Variants in SH2D4B observed in about 807,000 individuals in gnomAD.
The protein encoded by SH2D4B is SH2 domain-containing protein 4B.
A neutral mutation model predicts 61.5 loss-of-function variants in SH2D4B; 45 were observed. That is an observed-to-expected ratio of 0.73 (90% CI 0.58 to 0.94). The LOEUF (loss-of-function observed/expected upper bound fraction) is 0.94, where lower values mean the gene tolerates loss of function less well. Ranked by LOEUF, SH2D4B falls within the 40% of genes least tolerant of loss-of-function variation. SH2D4B has a pLI of 0.00. For missense variants in SH2D4B, 572 were observed against 574.2 expected, an observed-to-expected ratio of 1.00 and a Z score of 0.04; for synonymous variants, 224 against 220.4, an observed-to-expected ratio of 1.02 and a Z score of -0.14.
intron 6 of SH2D4B, among the ~76,000 whole-genome samples, chr10:80,633,253 A>T (rs1013170656): frequency 1.3e-5 from 2 of 152,162 alleles, no homozygotes; most frequent in Non-Finnish European, 2.9e-5. Context: ...GGGTAAGTCC[A>T]TGGGTGAGCA....
chr10:80,611,195 A>C (rs990468287), intron 6 of SH2D4B, among the ~76,000 whole-genome samples: 7 of 150,226 alleles, frequency 4.7e-5, no homozygotes, highest in South Asian at 4.2e-4. Flanking sequence ...AAAAAAAAAA[A>C]AAAAAAAACA....
At chr10:80,640,594 T>A in intron 7 of SH2D4B, among the ~76,000 whole-genome samples, 1 of 152,250 alleles carries the variant, frequency 6.6e-6, no homozygotes, top group East Asian at 1.9e-4. Flanking sequence ...TATTGAAGCT[T>A]GTGCATGCAT....
At chr10:80,568,293 G>A (rs1841996460) in intron 1 of SH2D4B, among the ~76,000 whole-genome samples, 1 of 152,170 alleles carries the variant, frequency 6.6e-6, no homozygotes, top group South Asian at 2.1e-4. Context: ...GAGGCTGAGG[G>A]AGTCATTGTA....
intron 6 of SH2D4B, among the ~76,000 whole-genome samples, chr10:80,631,757 A>AACTT (rs71310970): frequency 0.17 from 25,866 of 152,120 alleles, 2,682 homozygotes; most frequent in Admixed American, 0.28. Flanking sequence ...AAAAACATTG[A>AACTT]ACTTACAGAA....
rs565519474 is a variant in SH2D4B at position 80,565,826 on chromosome 10, C to T, written c.185-4328C>T. 1.6e-4 allele frequency among the ~76,000 whole-genome samples: 24 copies of T among 152,072 alleles called. No homozygotes were observed. The South Asian group carries it at 2.9e-3, about 18-fold the overall frequency. The stretch of plus-strand genomic sequence containing the variant: ...TGAAGAGTGGCCGGGCGTGGTGGCT[C>T]ACGCCTGTAATCCCAGCACTTTGGG... On this transcript the variant is annotated intron_variant, in intron 1 of 7. Coordinates refer to ENST00000646907, the MANE Select transcript of SH2D4B (RefSeq NM_001388272.1).
At chr10:80,643,820 GA>G (rs1232288474) in intron 7 of SH2D4B, among the ~76,000 whole-genome samples, 172 bp from the exon 8 acceptor site, 1 of 151,418 alleles carries the variant, frequency 6.6e-6, no homozygotes, top group African/African-American at 2.4e-5. Flanking sequence ...TACTTTTTAT[GA>G]ATTTATTTCT....
chr10:80,621,543 T>G (rs1232437420), intron 6 of SH2D4B, among the ~76,000 whole-genome samples: 2 of 152,252 alleles, frequency 1.3e-5, no homozygotes, highest in African/African-American at 4.8e-5. Context: ...TATTCAGTCA[T>G]TTTAAGCTCA....
intron 1 of SH2D4B, among the ~76,000 whole-genome samples, chr10:80,551,344 G>A (rs573053998): frequency 8.6e-4 from 131 of 152,216 alleles, no homozygotes; most frequent in African/African-American, 3.1e-3. Flanking sequence ...GTGAGCCACC[G>A]CGCCTGGCCA....
intron 4 of SH2D4B, among the ~76,000 whole-genome samples, chr10:80,594,645 G>A (rs995966160): frequency 6.6e-6 from 1 of 152,044 alleles, no homozygotes; most frequent in African/African-American, 2.4e-5. Flanking sequence ...TTTTGATTAC[G>A]AATTTAGTCT....
chr10:80,547,726 C>T (rs911012325), intron 1 of SH2D4B, among the ~76,000 whole-genome samples: 2 of 152,076 alleles, frequency 1.3e-5, no homozygotes, highest in African/African-American at 2.4e-5. Context: ...TACTTGATCA[C>T]GTGTGTATAA....
rs536920799 is a variant in SH2D4B at position 80,644,780 on chromosome 10, A to G, written c.*695A>G. 6.6e-6 allele frequency: 1 copy of G among 152,180 alleles called. No individual in the cohort carries two copies. The highest frequency in any genetic ancestry group is 1.5e-5 in the Non-Finnish European group (1 of 68,056). 9.4% of individuals were successfully genotyped at this position (152,180 alleles called of 1,614,324 possible). A position where few individuals can be genotyped will look rare whatever the true frequency, so the allele number is the denominator to read the frequency against. Reference sequence around the variant, plus strand: ...TTGGCCTTGGTTTTGCAATGGTTTTATGTCATCCTACAGATGTCTTCAAGA... The same window carrying G: ...TTGGCCTTGGTTTTGCAATGGTTTTGTGTCATCCTACAGATGTCTTCAAGA... On this transcript the variant is annotated 3_prime_UTR_variant, in exon 8 of 8. Transcript: ENST00000646907.
At chr10:80,628,592 A>G (rs1057074454) in intron 6 of SH2D4B, among the ~76,000 whole-genome samples, 5 of 152,206 alleles carry the variant, frequency 3.3e-5, no homozygotes, top group South Asian at 4.1e-4. Context: ...CAAGCATCCT[A>G]TGCTAATTCT....
rs12257769 is a variant in SH2D4B at position 80,544,305 on chromosome 10, G to A, written c.184+5790G>A. ...TTCACTCCTGAGCCAGCGAGACCAC[G>A]AACCCACCAGAAGGAAGAAACTCCG... On this transcript the variant is annotated intron_variant, in intron 1 of 7. Transcript: ENST00000646907. Among the ~76,000 whole-genome samples the A allele has an allele frequency of 7.0e-3, 1,069 of 152,216 alleles. 15 individuals are homozygous for A. The highest frequency in any genetic ancestry group is 0.025 in the African/African-American group (1,018 of 41,530).
chr10:80,620,091 A>G (rs149142344), intron 6 of SH2D4B, among the ~76,000 whole-genome samples: 1 of 152,200 alleles, frequency 6.6e-6, no homozygotes, highest in Admixed American at 6.5e-5. Flanking sequence ...CACCTTGCCC[A>G]CACGTTCTCC....
At chr10:80,591,812 T>C (rs1213084847) in intron 4 of SH2D4B, among the ~76,000 whole-genome samples, 1 of 152,188 alleles carries the variant, frequency 6.6e-6, no homozygotes, top group African/African-American at 2.4e-5. Context: ...AACTGGCTTT[T>C]ATACAGGCCT....
At chr10:80,604,803 T>TTC (rs5786467) in intron 5 of SH2D4B, among the ~76,000 whole-genome samples, 3,496 of 151,688 alleles carry the variant, frequency 0.023, 49 homozygotes, top group Middle Eastern at 0.071. Context: ...TTTTTTTTTT[T>TTC]CTTTTTTTGA....
chr10:80,613,559 A>G lies in SH2D4B; in HGVS notation c.988+4008A>G, dbSNP rs538629977. On this transcript the variant is annotated intron_variant, in intron 6 of 7. Coordinates refer to ENST00000646907, the MANE Select transcript of SH2D4B (RefSeq NM_001388272.1). ...TCATTGGCATTGGTAAATTATCTCC[A>G]TGTGACCCTGCTCAGGTGCTGGGAG... is the stretch of plus-strand genomic sequence containing the variant. Among the ~76,000 whole-genome samples, 4 of 152,336 alleles carry G rather than the reference A, an allele frequency of 2.6e-5. No homozygotes were observed. The South Asian group carries it at 8.3e-4, about 32-fold the overall frequency.
intron 1 of SH2D4B, among the ~76,000 whole-genome samples, chr10:80,565,793 T>TA (rs1841958463): frequency 6.6e-6 from 1 of 151,600 alleles, no homozygotes; most frequent in South Asian, 2.1e-4. Context: ...GAAGGTCGGG[T>TA]AAAAGAGTGA....
At chr10:80,627,464 A>G (rs1365126202) in intron 6 of SH2D4B, among the ~76,000 whole-genome samples, 1 of 151,792 alleles carries the variant, frequency 6.6e-6, no homozygotes, top group East Asian at 1.9e-4. Flanking sequence ...GACTTTTGCA[A>G]TCTTCCCTCC....
Sources: gnomAD v4.1 joint callset for allele counts (sites outside exome capture counted in the v4.1 genomes callset) on GRCh38, gnomAD v4.1.1 for gene constraint, MANE v1.5 for transcripts, NCBI Gene and HGNC (gene_info 2026-07-23, HGNC 2026-07-21) for gene names.